KIF2C: variants seen among roughly 807,000 people sequenced by gnomAD.
The protein encoded by KIF2C is kinesin family member 2C.
Under a neutral mutation model 97.4 loss-of-function variants are expected in KIF2C, and 34 were observed. The observed-to-expected ratio is 0.35, with a 90% CI of 0.27 to 0.46. The LOEUF (loss-of-function observed/expected upper bound fraction) is 0.46, where lower values mean the gene tolerates loss of function less well. Ranked by LOEUF, KIF2C falls within the 20% of genes least tolerant of loss-of-function variation. The pLI, the probability that KIF2C is intolerant of heterozygous loss-of-function variation, is 1.00. For synonymous variants in KIF2C, 313 were observed against 318.2 expected (o/e 0.98, Z 0.17); for missense variants, 750 against 907.6 (o/e 0.83, Z 2.23).
rs752559563 is a variant in KIF2C at position 44,766,835 on chromosome 1, G to T, written c.1981G>T (p.Asp661Tyr). Residue 661 changes from aspartate to tyrosine, a missense_variant, in exon 20 of 21, where the codon GAC becomes TAC. By Grantham distance (160) the Asp-to-Tyr change is radical (BLOSUM62 -3). Coordinates refer to ENST00000372224, the MANE Select transcript of KIF2C (RefSeq NM_006845.4). ...CCTCCCTGTGTTGTAGCAAGGACCA[G>T]ACTGGCTTGAGCTCTCTGAGATGAC... ...ELKEIIQQGP[D>Y]WLELSEMTEQ... 73 of 1,614,080 alleles carry T rather than the reference G, an allele frequency of 4.5e-5. No homozygotes were observed. Among genetic ancestry groups the T allele is most frequent in the East Asian group, 2.4e-4 (11 of 44,906 alleles).
rs920944037 is a variant in KIF2C at position 44,746,567 on chromosome 1, C to T, written c.166-817C>T. The T allele has an allele frequency of 3.7e-6, 5 of 1,365,652 alleles. No individual in the cohort carries two copies. In the African/African-American group the frequency reaches 7.5e-5, roughly 21 times the overall value. 84.6% of individuals were successfully genotyped at this position (1,365,652 alleles called of 1,614,324 possible). A position where few individuals can be genotyped will look rare whatever the true frequency, so the allele number is the denominator to read the frequency against. On this transcript the variant is annotated intron_variant, in intron 2 of 20. Transcript: ENST00000372224. ...AACTTGTTTCCTCCTCCGTGTCAGC[C>T]ATCAAGAGGTGCTTGGGGGGCTGTG...
chr1:44,758,370 A>G (rs80163515), intron 13 of KIF2C, among the ~76,000 whole-genome samples: 2 of 152,088 alleles, frequency 1.3e-5, no homozygotes, highest in Admixed American at 6.6e-5. Context: ...TTCAGGTGCA[A>G]GGTTTGCCTG....
chr1:44,753,034 G>T, intron 5 of KIF2C, 98 bp from the exon 6 acceptor site: 1 of 1,431,058 alleles, frequency 7.0e-7, no homozygotes. Flanking sequence ...TACCGAGCAG[G>T]CAGGTCGCTC....
intron 5 of KIF2C, among the ~76,000 whole-genome samples, chr1:44,752,213 A>G (rs1056142557): frequency 3.7e-5 from 5 of 135,262 alleles, no homozygotes; most frequent in African/African-American, 5.7e-5. Flanking sequence ...ATCTCGGCTC[A>G]CTGCAAGCTC....
chr1:44,743,010 A>T (rs1164178442), intron 2 of KIF2C, among the ~76,000 whole-genome samples: 1 of 152,246 alleles, frequency 6.6e-6, no homozygotes, highest in Non-Finnish European at 1.5e-5. Flanking sequence ...TGAAGCAGCA[A>T]GATGGCACAC....
Position 44,747,370 on chromosome 1 carries a change from C to A in KIF2C, c.166-14C>A. 1.3e-6 allele frequency: 2 copies of A among 1,551,124 alleles called. No homozygotes were observed. The highest frequency in any genetic ancestry group is 1.1e-5 in the South Asian group (1 of 87,392). On this transcript the variant is annotated splice_polypyrimidine_tract_variant and intron_variant, in intron 2 of 20. Coordinates refer to ENST00000372224, the MANE Select transcript of KIF2C (RefSeq NM_006845.4). ...CAATGTTGTTTCATTGAAACTTTTA[C>A]TTGCTCCTTGCAGATTGATTTTGAT... is the stretch of plus-strand genomic sequence containing the variant.
Position 44,759,250 on chromosome 1 carries a change from G to A in KIF2C, c.1269G>A (p.Glu423=), listed in dbSNP as rs903813578. 6.2e-7 allele frequency: 1 copy of A among 1,614,186 alleles called. No individual in the cohort carries two copies. The highest frequency in any genetic ancestry group is 8.5e-7 in the Non-Finnish European group (1 of 1,180,034). Residue 423 remains glutamate, a synonymous_variant, in exon 14 of 21, where the codon GAG becomes GAA. Coordinates refer to ENST00000372224, the MANE Select transcript of KIF2C (RefSeq NM_006845.4). ...AGAAGGCCAAGCTGCGCGTGCTGGA[G>A]GACGGCAAGCAACAGGTGCAAGTGG... is the stretch of plus-strand genomic sequence containing the variant. ...LNKKAKLRVL[E]DGKQQVQVVG... is the part of the protein sequence containing the mutation.
intron 2 of KIF2C, chr1:44,746,839 T>C (rs1649221135): frequency 7.5e-7 from 1 of 1,342,198 alleles, no homozygotes; most frequent in African/African-American, 1.5e-5. Context: ...AAGTTTGAAT[T>C]TAGGGGTACC....
intron 2 of KIF2C, among the ~76,000 whole-genome samples, chr1:44,743,684 C>G (rs1428368765): frequency 1.3e-5 from 2 of 152,068 alleles, no homozygotes; most frequent in African/African-American, 4.8e-5. Context: ...CCCAGCTACT[C>G]CAGAGGCTAA....
At position 44,763,408 on chromosome 1, in the gene KIF2C, A is replaced by C. The variant is rs572993792; in HGVS notation, c.1971+750A>C. The stretch of plus-strand genomic sequence containing the variant: ...CTCAGGCCTCTCCTCCCCTTCCTGG[A>C]GTGCTCAGGGGTACAGAGTTTTGTA... On this transcript the variant is annotated intron_variant, in intron 19 of 20. Transcript: ENST00000372224. 5.6e-4 allele frequency among the ~76,000 whole-genome samples: 85 copies of C among 152,270 alleles called. 2 individuals are homozygous for C. In the East Asian group the frequency reaches 7.3e-3, roughly 13 times the overall value.
intron 19 of KIF2C, among the ~76,000 whole-genome samples, chr1:44,765,757 A>G (rs1650426954): frequency 6.6e-6 from 1 of 151,752 alleles, no homozygotes; most frequent in South Asian, 2.1e-4. Flanking sequence ...CTATTATTTA[A>G]AAAGAATCAT....
In KIF2C at chr1:44,760,669, C is replaced by T. The variant is rs765292588; in HGVS notation, c.1650C>T (p.Asp550=). ...GCAAGCTGACACAGGTGCTGAGGGACTCCTTCATTGGGGAGAACTCTAGGA... is the reference window on the plus strand; with the variant it reads ...GCAAGCTGACACAGGTGCTGAGGGATTCCTTCATTGGGGAGAACTCTAGGA... ...RESKLTQVLR[D]SFIGENSRTC... The change falls in exon 16 of 21, where the codon GAC becomes GAT. Residue 550 remains aspartate (D), a synonymous_variant. Coordinates refer to ENST00000372224, the MANE Select transcript of KIF2C (RefSeq NM_006845.4). The surrounding 1 kb of genome is among the most constrained non-coding windows in gnomAD (Gnocchi z 4.2). 5.0e-6 allele frequency: 8 copies of T among 1,614,176 alleles called. No individual in the cohort carries two copies. Among genetic ancestry groups the T allele is most frequent in the Non-Finnish European group, 5.9e-6 (7 of 1,180,014 alleles).
intron 4 of KIF2C, among the ~76,000 whole-genome samples, chr1:44,748,963 C>T (rs1220119812): frequency 6.6e-6 from 1 of 151,936 alleles, no homozygotes; most frequent in Non-Finnish European, 1.5e-5. Flanking sequence ...TACAGGCACA[C>T]ACCACCATGC....
intron 8 of KIF2C, 144 bp downstream of exon 8, chr1:44,754,989 C>T (rs1649740234): frequency 3.4e-6 from 2 of 595,542 alleles, no homozygotes; most frequent in Non-Finnish European, 2.9e-6. Flanking sequence ...GGGTCTCACT[C>T]TGTCACCCAG....
In KIF2C at chr1:44,758,088, G is replaced by A. The variant is rs1456986414; in HGVS notation, c.1172G>A (p.Arg391Gln). The change falls in exon 13 of 21, where the codon CGG (arginine) becomes CAG (glutamine). Residue 391 changes from arginine (R) to glutamine (Q), a missense_variant. Transcript: ENST00000372224. ...VFLLKNQPCY[R>Q]KLGLEVYVTF... ...CTCCTGAAGAATCAACCCTGCTACC[G>A]GAAGTTGGGCCTGGAAGTCTATGTG... 4 of 1,614,030 alleles carry A rather than the reference G, an allele frequency of 2.5e-6. No individual in the cohort carries two copies. Among genetic ancestry groups the A allele is most frequent in the Non-Finnish European group, 2.5e-6 (3 of 1,180,028 alleles).
At position 44,766,902 on chromosome 1, in the gene KIF2C, C is replaced by T. The variant is rs149217506; in HGVS notation, c.2048C>T (p.Ala683Val). ...DYDLETFVNK[A>V]ESALAQQAKH... Reference sequence around the variant, plus strand: ...GACCTGGAGACCTTTGTGAACAAAGCGGAATCTGCTCTGGCCCAGCAAGCC... The same window carrying T: ...GACCTGGAGACCTTTGTGAACAAAGTGGAATCTGCTCTGGCCCAGCAAGCC... Residue 683 changes from alanine (A) to valine (V), a missense_variant, in exon 20 of 21, where the codon GCG becomes GTG. By Grantham distance (64) the Ala-to-Val change is moderately conservative. Transcript: ENST00000372224. 496 of 1,614,204 alleles carry T rather than the reference C, an allele frequency of 3.1e-4. 1 individual carries two copies. In the African/African-American group the frequency reaches 5.5e-3, roughly 18 times the overall value.
At chr1:44,757,276 A>T (rs1451270896) in intron 10 of KIF2C, among the ~76,000 whole-genome samples, 1 of 152,126 alleles carries the variant, frequency 6.6e-6, no homozygotes, top group Non-Finnish European at 1.5e-5. Flanking sequence ...CTGTGTCTCC[A>T]GGGTCAGAGG....
At position 44,767,583 on chromosome 1, in the gene KIF2C, C is replaced by A; in HGVS notation, c.*404C>A. 5.3e-6 allele frequency: 1 copy of A among 190,048 alleles called. No individual in the cohort carries two copies. 11.8% of individuals were successfully genotyped at this position (190,048 alleles called of 1,614,324 possible). On this transcript the variant is annotated 3_prime_UTR_variant, in exon 21 of 21. Coordinates refer to ENST00000372224, the MANE Select transcript of KIF2C (RefSeq NM_006845.4). ...GTACAGCTATCTGCTGGCTCTAAACCTTCTACGCCTTTGGGCCGAGCACTG... is the reference window on the plus strand; with the variant it reads ...GTACAGCTATCTGCTGGCTCTAAACATTCTACGCCTTTGGGCCGAGCACTG...
intron 8 of KIF2C, 24 bp from the exon 9 acceptor site, chr1:44,755,905 T>G: frequency 6.2e-7 from 1 of 1,612,716 alleles, no homozygotes; most frequent in South Asian, 1.1e-5. Flanking sequence ...TTGCTGTTGG[T>G]TGCCTCCTCT....
Sources: allele counts gnomAD v4.1 joint callset (sites outside exome capture counted in the v4.1 genomes callset), GRCh38; gene constraint gnomAD v4.1.1; non-coding constraint Gnocchi (gnomAD v3.1); transcripts MANE v1.5; gene names NCBI Gene and HGNC (gene_info 2026-07-23, HGNC 2026-07-21).